The following HEBP1 variants were observed in gnomAD, a reference collection of about 807,000 sequenced individuals.
The protein encoded by HEBP1 is heme binding protein 1, also known as heme-binding protein 1.
Under a neutral mutation model 20.4 loss-of-function variants are expected in HEBP1, and 13 were observed. The ratio of observed to expected loss-of-function variants is 0.64; its 90% confidence interval spans 0.42 to 1.01. The LOEUF (loss-of-function observed/expected upper bound fraction) is 1.01. HEBP1 is among the 50% of genes least tolerant of loss of function. The pLI, the probability that HEBP1 is intolerant of heterozygous loss-of-function variation, is 0.00. For synonymous variants in HEBP1, 92 were observed against 90.7 expected, an observed-to-expected ratio of 1.01 and a Z score of -0.08; for missense variants, 241 against 247.3, an observed-to-expected ratio of 0.97 and a Z score of 0.17.
Position 12,983,993 on chromosome 12 carries a change from A to G in HEBP1, c.398+3159T>C, listed in dbSNP as rs1011320830. On this transcript the variant is annotated intron_variant, in intron 3 of 3. Transcript: ENST00000014930. ...GCTCCCGCTGGCCAACAGTGGGGCA[A>G]TTAGAGCATCAATAAGAATAATATC... 6 of 292,482 alleles carry G rather than the reference A, an allele frequency of 2.1e-5. No individual in the cohort carries two copies. In the East Asian group the frequency reaches 2.5e-4, roughly 12 times the overall value. The allele number at this position is 292,482 out of a possible 1,614,324, so 18.1% of individuals were successfully genotyped here. A position where few individuals can be genotyped will look rare whatever the true frequency, so the allele number is the denominator to read the frequency against.
In HEBP1 at chr12:12,996,718, T is replaced by C. The variant is rs1242101808; in HGVS notation, c.78+3319A>G. Among the ~76,000 whole-genome samples the C allele has an allele frequency of 6.6e-6, 1 of 152,204 alleles. No homozygotes were observed. The highest frequency in any genetic ancestry group is 1.5e-5 in the Non-Finnish European group (1 of 68,038). On this transcript the variant is annotated intron_variant, in intron 1 of 3. Transcript: ENST00000014930. This position sits in a 1 kb window ranked among gnomAD's most constrained non-coding sequence, Gnocchi z 4.1. ...TTTCACATTGGCATTGTTATTCTCA[T>C]CTTAGAGTTGAGGAATTCAAGGGCT... is the stretch of plus-strand genomic sequence containing the variant.
chr12:12,975,197 T>G lies in HEBP1; in HGVS notation c.*111A>C. On this transcript the variant is annotated 3_prime_UTR_variant, in exon 4 of 4. Coordinates refer to ENST00000014930, the MANE Select transcript of HEBP1 (RefSeq NM_015987.5). ...GGCAGTAACTGACTTTGAAGGAAAG[T>G]TGGTTAAGTTGGACTTGCAGCTGGA... 1 of 984,764 alleles carries G rather than the reference T, an allele frequency of 1.0e-6. No homozygotes were observed. The highest frequency in any genetic ancestry group is 1.5e-6 in the Non-Finnish European group (1 of 653,400). 61.0% of individuals were successfully genotyped at this position (984,764 alleles called of 1,614,324 possible). A position where few individuals can be genotyped will look rare whatever the true frequency, so the allele number is the denominator to read the frequency against.
At chr12:12,978,239 C>T (rs1864025048) in intron 3 of HEBP1, among the ~76,000 whole-genome samples, 1 of 114,050 alleles carries the variant, frequency 8.8e-6, no homozygotes, top group African/African-American at 3.5e-5. Flanking sequence ...GAGACAGAGT[C>T]TCACTCTATT....
At chr12:12,985,767 T>C (rs1238175606) in intron 3 of HEBP1, 2 of 152,118 alleles carry the variant, frequency 1.3e-5, no homozygotes, top group Non-Finnish European at 2.9e-5. Flanking sequence ...ACACACATCA[T>C]ATATAGGAGG....
rs1555114947 is a variant in HEBP1, at chr12:12,987,612, T to TTTC, written c.218-281_218-280insGAA. Among the ~76,000 whole-genome samples, 81 of 117,724 alleles carry TTTC rather than the reference T, an allele frequency of 6.9e-4. 1 individual carries two copies. The highest frequency in any genetic ancestry group is 4.5e-3 in the Middle Eastern group (1 of 224). 77.2% of individuals were successfully genotyped at this position (117,724 alleles called of 152,430 possible). ...TCTTTCTCTCTCTCTCTCTCTCTCT[T>TTTC]TCTCTCTCTCTCTCTCTCTCTCTTT... On this transcript the variant is annotated intron_variant, in intron 2 of 3. Transcript: ENST00000014930.
At chr12:12,982,910 T>A (rs1398536192) in intron 3 of HEBP1, among the ~76,000 whole-genome samples, 1 of 152,154 alleles carries the variant, frequency 6.6e-6, no homozygotes, top group Non-Finnish European at 1.5e-5. Flanking sequence ...TAGGATTGAG[T>A]AGGTATTTAC....
chr12:12,981,881 G>C (rs1864087494), intron 3 of HEBP1, among the ~76,000 whole-genome samples: 1 of 152,214 alleles, frequency 6.6e-6, no homozygotes, highest in South Asian at 2.1e-4. Flanking sequence ...ACTGGTGACA[G>C]CTGAAGCTAT....
chr12:12,983,809 A>G (rs1231950127), intron 3 of HEBP1: 5 of 455,036 alleles, frequency 1.1e-5, no homozygotes, highest in Admixed American at 2.4e-5. Context: ...ACCCCTTCCC[A>G]CCATAAGAAA....
At chr12:12,987,636 T>TCTTTCTCTCTCTCGCTCTCTCTCTCTC (rs1864171072) in intron 2 of HEBP1, among the ~76,000 whole-genome samples, 3 of 47,696 alleles carry the variant, frequency 6.3e-5, no homozygotes, top group Non-Finnish European at 6.2e-5. Flanking sequence ...CTCTCTCTCT[T>TCTTTCTCTCTCTCGCTCTCTCTCTCTC]TCTTTCTTTC....
chr12:12,995,561 G>A (rs1025409629), intron 1 of HEBP1, among the ~76,000 whole-genome samples: 1 of 152,112 alleles, frequency 6.6e-6, no homozygotes, highest in Non-Finnish European at 1.5e-5. Flanking sequence ...TTCTAGTGCA[G>A]GGATCACTTG....
At chr12:12,978,199 GTTTTTTTTTTT>G (rs76634642) in intron 3 of HEBP1, among the ~76,000 whole-genome samples, 9 of 75,056 alleles carry the variant, frequency 1.2e-4, no homozygotes, top group African/African-American at 4.4e-4. Flanking sequence ...CTACGAAAGG[GTTTTTTTTTTT>G]TTTTTTTTTT....
chr12:12,998,281 G>A lies in HEBP1; in HGVS notation c.78+1756C>T, dbSNP rs1169109936. Among the ~76,000 whole-genome samples the A allele has an allele frequency of 6.6e-6, 1 of 152,150 alleles. No individual in the cohort carries two copies. The highest frequency in any genetic ancestry group is 1.5e-5 in the Non-Finnish European group (1 of 68,024). ...CTTTTATCCCATTGCCTAGAAGAGTGCCTGGCACATAGCACTCAAAAAACA... is the reference window on the plus strand; with the variant it reads ...CTTTTATCCCATTGCCTAGAAGAGTACCTGGCACATAGCACTCAAAAAACA... On this transcript the variant is annotated intron_variant, in intron 1 of 3. Transcript: ENST00000014930. This position sits in a 1 kb window ranked among gnomAD's most constrained non-coding sequence, Gnocchi z 4.2.
At chr12:12,976,069 C>A (rs1167593845) in intron 3 of HEBP1, among the ~76,000 whole-genome samples, 21 of 120,728 alleles carry the variant, frequency 1.7e-4, no homozygotes. Flanking sequence ...CAACACAAGA[C>A]CCTGTGTCAA....
At chr12:12,988,961 A>T (rs1864185122) in intron 2 of HEBP1, among the ~76,000 whole-genome samples, 1 of 152,170 alleles carries the variant, frequency 6.6e-6, no homozygotes, top group South Asian at 2.1e-4. Flanking sequence ...CTAGTCAACC[A>T]ATCCAAAGAC....
At chr12:12,999,817 AC>A (rs986018091) in intron 1 of HEBP1, among the ~76,000 whole-genome samples, 2 of 151,900 alleles carry the variant, frequency 1.3e-5, no homozygotes, top group African/African-American at 4.8e-5. Context: ...TCTCCTGTTT[AC>A]CCCCCTCCTC....
At chr12:12,990,114 GTGCACACACA>G (rs1243607881) in intron 1 of HEBP1, among the ~76,000 whole-genome samples, 1 of 92,566 alleles carries the variant, frequency 1.1e-5, no homozygotes, top group Non-Finnish European at 2.2e-5. Context: ...GCTACTCTCT[GTGCACACACA>G]CACACACACA....
intron 3 of HEBP1, chr12:12,983,275 G>A (rs1864109800): frequency 1.2e-5 from 2 of 168,970 alleles, no homozygotes; most frequent in Non-Finnish European, 2.6e-5. Context: ...GCTGGTCTAA[G>A]TGTGAGGATA....
At chr12:12,993,731 C>A (rs550869736) in intron 1 of HEBP1, among the ~76,000 whole-genome samples, 2 of 152,152 alleles carry the variant, frequency 1.3e-5, no homozygotes, top group Non-Finnish European at 1.5e-5. Context: ...TGGTCTTTTT[C>A]TTCTTTTATT....
In HEBP1 at chr12:12,987,361, A is replaced by G. The variant is rs201693902; in HGVS notation, c.218-29T>C. The G allele has an allele frequency of 6.9e-6, 11 of 1,593,220 alleles. No individual in the cohort carries two copies. In the Admixed American group the frequency reaches 8.5e-5, roughly 12 times the overall value. On this transcript the variant is annotated intron_variant, in intron 2 of 3. Transcript: ENST00000014930. ...AAAACACAAAAGCACAGAGTGAGGCAGGGATCAGAGACAGAGCTTGCTCAG... is the reference window on the plus strand; with the variant it reads ...AAAACACAAAAGCACAGAGTGAGGCGGGGATCAGAGACAGAGCTTGCTCAG...
Sources: gnomAD v4.1 joint callset for allele counts (sites outside exome capture counted in the v4.1 genomes callset) on GRCh38, gnomAD v4.1.1 for gene constraint, Gnocchi (gnomAD v3.1) non-coding constraint, MANE v1.5 for transcripts, NCBI Gene and HGNC (gene_info 2026-07-23, HGNC 2026-07-21) for gene names.